LARGE1: variants seen among roughly 807,000 people sequenced by gnomAD.
LARGE1 encodes xylosyl- and glucuronyltransferase LARGE1.
LARGE1 carries 43 observed loss-of-function variants against 87.6 expected under a neutral mutation model. The ratio of observed to expected loss-of-function variants is 0.49; its 90% CI spans 0.38 to 0.63. The LOEUF (loss-of-function observed/expected upper bound fraction) is 0.63. Ranked by LOEUF, LARGE1 falls within the 30% of genes least tolerant of loss-of-function variation. The pLI is 0.00. For missense variants in LARGE1, 802 were observed against 1,000.2 expected, an observed-to-expected ratio of 0.80 and a Z score of 2.67; for synonymous variants, 434 against 394.6, an observed-to-expected ratio of 1.10 and a Z score of -1.18.
chr22:33,276,109 T>A (rs1193565319), intron 14 of LARGE1, among the ~76,000 whole-genome samples: 1 of 151,990 alleles, frequency 6.6e-6, no homozygotes, highest in Non-Finnish European at 1.5e-5. Flanking sequence ...CGGCCAGCGC[T>A]CAGTATCCAA....
intron 11 of LARGE1, among the ~76,000 whole-genome samples, chr22:33,260,947 C>T (rs927744714): frequency 1.3e-5 from 2 of 152,148 alleles, no homozygotes; most frequent in African/African-American, 2.4e-5. Context: ...AATTGGAAAA[C>T]GGCACATCCC....
At chr22:33,218,991 C>T (rs918848688) in intron 11 of LARGE1, among the ~76,000 whole-genome samples, 11 of 152,134 alleles carry the variant, frequency 7.2e-5, no homozygotes, top group South Asian at 4.1e-4. Context: ...TCCCCACTTC[C>T]GCCTTTATCT....
At chr22:33,712,187 T>C (rs2082750181) in intron 2 of LARGE1, among the ~76,000 whole-genome samples, 1 of 151,902 alleles carries the variant, frequency 6.6e-6, no homozygotes, top group Admixed American at 6.6e-5. Context: ...ACTATCCCAT[T>C]TGGCACAACC....
intron 4 of LARGE1, among the ~76,000 whole-genome samples, chr22:33,605,159 C>T (rs1382501034): frequency 6.6e-6 from 1 of 151,988 alleles, no homozygotes; most frequent in Non-Finnish European, 1.5e-5. Flanking sequence ...GTATACTAAG[C>T]CAATGGCCTC....
intron 2 of LARGE1, among the ~76,000 whole-genome samples, chr22:33,736,716 G>A (rs2083668312): frequency 6.6e-6 from 1 of 152,130 alleles, no homozygotes; most frequent in Admixed American, 6.5e-5. Context: ...CTAATCTAAA[G>A]TCACAAAGAT....
intron 11 of LARGE1, among the ~76,000 whole-genome samples, chr22:33,204,652 G>A (rs969548568): frequency 4.6e-5 from 7 of 152,174 alleles, no homozygotes; most frequent in African/African-American, 1.7e-4. Flanking sequence ...CTGGGAGTAT[G>A]TTTGAATCCC....
Position 33,385,489 on chromosome 22 carries a change from C to T in LARGE1, c.893-1185G>A, listed in dbSNP as rs145294627. Among the ~76,000 whole-genome samples the T allele has an allele frequency of 8.3e-5, 10 of 120,380 alleles. 2 individuals carry two copies. The highest frequency in any genetic ancestry group is 4.6e-4 in the East Asian group (2 of 4,310). 79.0% of individuals were successfully genotyped at this position (120,380 alleles called of 152,430 possible). A position where few individuals can be genotyped will look rare whatever the true frequency, so the allele number is the denominator to read the frequency against. ...GTTGCAGTGAGCTGAGATCGTGCCA[C>T]GGCACTCCAGCCTGGACGACAGCGC... is the stretch of plus-strand genomic sequence containing the variant. On this transcript the variant is annotated intron_variant, in intron 7 of 14. Coordinates refer to ENST00000397394, the MANE Select transcript of LARGE1 (RefSeq NM_133642.5).
At chr22:33,782,668 C>G (rs1412675345) in intron 1 of LARGE1, among the ~76,000 whole-genome samples, 2 of 151,960 alleles carry the variant, frequency 1.3e-5, no homozygotes, top group African/African-American at 4.8e-5. Context: ...AGATCAAGAC[C>G]ATCCTGGCCA....
At chr22:33,658,109 T>C (rs2081021141) in intron 2 of LARGE1, among the ~76,000 whole-genome samples, 1 of 151,960 alleles carries the variant, frequency 6.6e-6, no homozygotes, top group Non-Finnish European at 1.5e-5. Flanking sequence ...CCAGCCTAAT[T>C]TGTGGTTGCG....
At chr22:33,466,138 C>A (rs16992399) in intron 6 of LARGE1, among the ~76,000 whole-genome samples, 4,304 of 152,294 alleles carry the variant, frequency 0.028, 179 homozygotes, top group African/African-American at 0.089. Flanking sequence ...CCTTCCAAGA[C>A]CACCAGCTCT....
chr22:33,634,794 T>C (rs1388811024), intron 3 of LARGE1, among the ~76,000 whole-genome samples: 1 of 152,136 alleles, frequency 6.6e-6, no homozygotes, highest in Non-Finnish European at 1.5e-5. Flanking sequence ...TTCCTGAGAA[T>C]GACCCTATGG....
At position 33,381,722 on chromosome 22, in the gene LARGE1, T is replaced by C. The variant is rs532302724; in HGVS notation, c.1131+197A>G. Among the ~76,000 whole-genome samples, 15 of 152,258 alleles carry C rather than the reference T, an allele frequency of 9.9e-5. No homozygotes were observed. The East Asian group carries it at 1.2e-3, about 12-fold the overall frequency. ...AGCTGGTTCTTACGCCAGGAGGCTTTAGGCTTTCCAGAAAGCCCAAATAAG... is the reference window on the plus strand; with the variant it reads ...AGCTGGTTCTTACGCCAGGAGGCTTCAGGCTTTCCAGAAAGCCCAAATAAG... On this transcript the variant is annotated intron_variant, in intron 9 of 14. Coordinates refer to ENST00000397394, the MANE Select transcript of LARGE1 (RefSeq NM_133642.5).
At chr22:33,726,382 A>G (rs1051371119) in intron 2 of LARGE1, among the ~76,000 whole-genome samples, 1 of 152,234 alleles carries the variant, frequency 6.6e-6, no homozygotes, top group Non-Finnish European at 1.5e-5. Flanking sequence ...GCACACAGCT[A>G]TAAAATTCCA....
intron 3 of LARGE1, among the ~76,000 whole-genome samples, chr22:33,636,389 C>T (rs1271876872): frequency 2.0e-5 from 3 of 152,164 alleles, no homozygotes; most frequent in Non-Finnish European, 2.9e-5. Context: ...GATGACTCAT[C>T]AAGCTTTCTT....
intron 1 of LARGE1, among the ~76,000 whole-genome samples, chr22:33,774,874 T>C (rs1378955654): frequency 6.6e-6 from 1 of 152,212 alleles, no homozygotes; most frequent in African/African-American, 2.4e-5. Flanking sequence ...GCCACCGTGC[T>C]GGACTGTGCA....
chr22:33,178,330 T>A (rs1168693206), intron 11 of LARGE1, among the ~76,000 whole-genome samples: 1 of 152,142 alleles, frequency 6.6e-6, no homozygotes, highest in East Asian at 1.9e-4. Flanking sequence ...TTAAGGCCAC[T>A]TTGATCTGAA....
At chr22:33,404,882 G>GCAAAA (rs1569134814) in intron 7 of LARGE1, among the ~76,000 whole-genome samples, 6 of 152,120 alleles carry the variant, frequency 3.9e-5, no homozygotes, top group African/African-American at 1.4e-4. Flanking sequence ...CTGTTCAGTG[G>GCAAAA]GGGGGAAGGA....
intron 1 of LARGE1, among the ~76,000 whole-genome samples, chr22:33,906,235 C>G (rs2065451300): frequency 6.6e-6 from 1 of 152,124 alleles, no homozygotes; most frequent in South Asian, 2.1e-4. Context: ...CAGGGATCAT[C>G]TCAGGCTGAT....
At chr22:33,194,819 G>T (rs1008945025) in intron 11 of LARGE1, among the ~76,000 whole-genome samples, 1 of 152,186 alleles carries the variant, frequency 6.6e-6, no homozygotes, top group African/African-American at 2.4e-5. Context: ...GAGAGCCAGA[G>T]TGAAGGAGTG....
Sources: gnomAD v4.1 joint callset for allele counts (sites outside exome capture counted in the v4.1 genomes callset) on GRCh38, gnomAD v4.1.1 for gene constraint, MANE v1.5 for transcripts, NCBI Gene and HGNC (gene_info 2026-07-23, HGNC 2026-07-21) for gene names.